Variants in TET1 observed in about 807,000 individuals in gnomAD.
The protein encoded by TET1 is methylcytosine dioxygenase TET1.
Under a neutral mutation model 148.7 loss-of-function variants are expected in TET1, and 13 were observed. The observed-to-expected ratio is 0.09, with a 90% CI of 0.06 to 0.14. The LOEUF is 0.14. Among genes scored for constraint, TET1 ranks in the 10% least tolerant of loss-of-function variants. The pLI is 1.00. For synonymous variants in TET1, 907 were observed against 937.2 expected, an observed-to-expected ratio of 0.97 and a Z score of 0.59; for missense variants, 2,182 against 2,553.8, an observed-to-expected ratio of 0.85 and a Z score of 3.14.
chr10:68,681,303 C>A, intron 8 of TET1, 96 bp from the exon 9 acceptor site: 2 of 694,056 alleles, frequency 2.9e-6, no homozygotes, highest in Admixed American at 2.6e-5. Context: ...ATGAATTGTG[C>A]ATTAACCACC....
At chr10:68,632,316 C>T (rs1306721068) in intron 3 of TET1, 6 of 1,435,348 alleles carry the variant, frequency 4.2e-6, no homozygotes, top group Non-Finnish European at 5.8e-6. Context: ...AGCCAGATTC[C>T]CTTTCAAAAA....
At position 68,652,731 on chromosome 10, in the gene TET1, C is replaced by T. The variant is rs1196796716; in HGVS notation, c.4461+137C>T. The T allele has an allele frequency of 6.8e-6, 4 of 584,062 alleles. No individual in the cohort carries two copies. The East Asian group carries it at 1.3e-4, about 19-fold the overall frequency. The allele number at this position is 584,062 out of a possible 1,614,324, so 36.2% of individuals were successfully genotyped here. A position where few individuals can be genotyped will look rare whatever the true frequency, so the allele number is the denominator to read the frequency against. On this transcript the variant is annotated intron_variant, in intron 6 of 11. Transcript: ENST00000373644. ...AATTTTTGAGACAGGCTTTGTCGCCCCGGCTGGATTGCAGTGGTGCAATCA... is the reference window on the plus strand; with the variant it reads ...AATTTTTGAGACAGGCTTTGTCGCCTCGGCTGGATTGCAGTGGTGCAATCA...
chr10:68,568,324 G>A (rs1342616874), intron 1 of TET1, among the ~76,000 whole-genome samples: 7 of 149,842 alleles, frequency 4.7e-5, no homozygotes, highest in East Asian at 2.0e-4. Flanking sequence ...TCTGGTTCAA[G>A]CGATTCTCAT....
chr10:68,664,750 T>G (rs1410508539), intron 6 of TET1, among the ~76,000 whole-genome samples: 1 of 142,996 alleles, frequency 7.0e-6, no homozygotes, highest in African/African-American at 2.6e-5. Context: ...CCATCTCAAG[T>G]GATCCTCCTG....
At chr10:68,592,466 C>A (rs896981481) in intron 2 of TET1, among the ~76,000 whole-genome samples, 2 of 152,098 alleles carry the variant, frequency 1.3e-5, no homozygotes, top group Non-Finnish European at 2.9e-5. Context: ...TTCAAAGAAA[C>A]AATTATGGAC....
chr10:68,570,426 C>G (rs1324989796), intron 1 of TET1, among the ~76,000 whole-genome samples: 1 of 151,726 alleles, frequency 6.6e-6, no homozygotes, highest in Non-Finnish European at 1.5e-5. Context: ...GTTTTTCAAC[C>G]CTTGTCTCCA....
chr10:68,580,313 A>ATTTTTT (rs1163318028), intron 2 of TET1, among the ~76,000 whole-genome samples: 69 of 60,430 alleles, frequency 1.1e-3, no homozygotes, highest in Non-Finnish European at 1.4e-3. Flanking sequence ...ATTATATTCA[A>ATTTTTT]TTTTTTTTTT....
At position 68,692,127 on chromosome 10, in the gene TET1, A is replaced by G. The variant is rs981881124; in HGVS notation, c.*313A>G. 1.9e-5 allele frequency: 6 copies of G among 323,320 alleles called. No individual in the cohort carries two copies. The highest frequency in any genetic ancestry group is 1.3e-4 in the African/African-American group (6 of 47,974). 20.0% of individuals were successfully genotyped at this position (323,320 alleles called of 1,614,324 possible). ...CTTTAAATTAAGTCTGTTTACTATGAAACAAGAGTCATTTTTAGAGGATTT... is the reference window on the plus strand; with the variant it reads ...CTTTAAATTAAGTCTGTTTACTATGGAACAAGAGTCATTTTTAGAGGATTT... On this transcript the variant is annotated 3_prime_UTR_variant, in exon 12 of 12. Coordinates refer to ENST00000373644, the MANE Select transcript of TET1 (RefSeq NM_030625.3).
At chr10:68,676,245 T>TACAC (rs2055350026) in intron 8 of TET1, among the ~76,000 whole-genome samples, 3 of 15,006 alleles carry the variant, frequency 2.0e-4, no homozygotes, top group Admixed American at 1.0e-3. Flanking sequence ...TGTATATATA[T>TACAC]ATATATATAT....
At chr10:68,588,573 G>T (rs555240365) in intron 2 of TET1, among the ~76,000 whole-genome samples, 4 of 152,166 alleles carry the variant, frequency 2.6e-5, no homozygotes, top group East Asian at 3.9e-4. Flanking sequence ...GAGGTGGACT[G>T]GTTGAGGAAT....
intron 2 of TET1, among the ~76,000 whole-genome samples, chr10:68,580,805 A>AATATATATATATAT (rs1554930544): frequency 1.1e-5 from 1 of 94,402 alleles, no homozygotes; most frequent in African/African-American, 4.3e-5. Context: ...AAAAAAAAAA[A>AATATATATATATAT]ATATATATAT....
chr10:68,672,807 T>A, intron 7 of TET1, 88 bp from the exon 8 acceptor site: 1 of 1,131,406 alleles, frequency 8.8e-7, no homozygotes, highest in Admixed American at 2.2e-5. Flanking sequence ...TAGGCATCCA[T>A]CCTTCTAAAG....
intron 2 of TET1, among the ~76,000 whole-genome samples, chr10:68,576,491 C>G (rs2053732988): frequency 6.6e-6 from 1 of 152,060 alleles, no homozygotes; most frequent in Non-Finnish European, 1.5e-5. Context: ...AGCAAGACCT[C>G]ATCTCTACTA....
In TET1 at chr10:68,693,352, T is replaced by C. The variant is rs560574266; in HGVS notation, c.*1538T>C. ...TTCCTTGGGAGTATGGAAAACCTAATGGTGCTTCTCCCTTGGAAATGCCAT... is the reference window on the plus strand; with the variant it reads ...TTCCTTGGGAGTATGGAAAACCTAACGGTGCTTCTCCCTTGGAAATGCCAT... On this transcript the variant is annotated 3_prime_UTR_variant, in exon 12 of 12. Transcript: ENST00000373644. 4 of 233,378 alleles carry C rather than the reference T, an allele frequency of 1.7e-5. No individual in the cohort carries two copies. Among genetic ancestry groups the C allele is most frequent in the South Asian group, 1.8e-4 (1 of 5,514 alleles). The allele number at this position is 233,378 out of a possible 1,614,324, so 14.5% of individuals were successfully genotyped here. A position where few individuals can be genotyped will look rare whatever the true frequency, so the allele number is the denominator to read the frequency against.
At chr10:68,686,219 T>TA (rs2055506164) in intron 10 of TET1, 137 bp from the exon 11 acceptor site, 3 of 715,222 alleles carry the variant, frequency 4.2e-6, no homozygotes, top group Non-Finnish European at 4.5e-6. Context: ...AATAATAATA[T>TA]ACCATCAGCA....
chr10:68,655,155 A>G (rs990103777), intron 6 of TET1, among the ~76,000 whole-genome samples: 5 of 152,098 alleles, frequency 3.3e-5, no homozygotes, highest in Non-Finnish European at 7.4e-5. Flanking sequence ...ACATAGCAAG[A>G]CCCCACATCT....
chr10:68,657,636 G>C (rs1284836893), intron 6 of TET1, among the ~76,000 whole-genome samples: 1 of 152,134 alleles, frequency 6.6e-6, no homozygotes, highest in Non-Finnish European at 1.5e-5. Context: ...TGCCTACAGA[G>C]AGAAAAGAAA....
Position 68,583,089 on chromosome 10 carries a change from A to C in TET1, c.1914+8837A>C, listed in dbSNP as rs974891448. On this transcript the variant is annotated intron_variant, in intron 2 of 11. Transcript: ENST00000373644. ...GAAGAAAAATTTGTAAAACTGGCCA[A>C]CATCTTCATCTAGTGTCAGCATAAT... is the stretch of plus-strand genomic sequence containing the variant. 7.2e-4 allele frequency among the ~76,000 whole-genome samples: 110 copies of C among 152,296 alleles called. 2 individuals are homozygous for C. The highest frequency in any genetic ancestry group is 7.2e-3 in the Admixed American group (110 of 15,284).
At chr10:68,668,992 A>AGAGG (rs1374494600) in intron 7 of TET1, among the ~76,000 whole-genome samples, 2 of 151,536 alleles carry the variant, frequency 1.3e-5, no homozygotes, top group Non-Finnish European at 2.9e-5. Context: ...AGAGAGAGAG[A>AGAGG]GAGAGAGAAC....
Sources: gnomAD v4.1 joint callset for allele counts (sites outside exome capture counted in the v4.1 genomes callset) on GRCh38, gnomAD v4.1.1 for gene constraint, MANE v1.5 for transcripts, NCBI Gene and HGNC (gene_info 2026-07-23, HGNC 2026-07-21) for gene names.